The following ZFHX3 variants were observed in gnomAD, a reference collection of about 807,000 sequenced individuals.
ZFHX3 encodes the protein zinc finger homeobox 3.
A neutral mutation model predicts 279.1 loss-of-function variants in ZFHX3; 42 were observed. The observed-to-expected ratio is 0.15, with a 90% CI of 0.12 to 0.19. The LOEUF is 0.19. ZFHX3 is among the 10% of genes least tolerant of loss of function. The probability of loss-of-function intolerance (pLI) is 1.00; values close to 1 mark genes in which losing one functional copy is unlikely to be tolerated. For missense variants in ZFHX3, 4,981 were observed against 4,754.0 expected (o/e 1.05, Z -1.40); for synonymous variants, 2,293 against 1,957.8 (o/e 1.17, Z -4.52).
chr16:73,373,213 C>T (rs1225232994), intron 3 of ZFHX3, among the ~76,000 whole-genome samples: 3 of 152,228 alleles, frequency 2.0e-5, no homozygotes, highest in Middle Eastern at 3.4e-3. Flanking sequence ...CTGCTTTTCA[C>T]CTTCCACTTC....
At chr16:73,539,224 T>A (rs1273520973) in intron 2 of ZFHX3, among the ~76,000 whole-genome samples, 1 of 151,874 alleles carries the variant, frequency 6.6e-6, no homozygotes, top group Admixed American at 6.6e-5. Flanking sequence ...TGTGGCCTGG[T>A]GGACACGTGC....
In ZFHX3 at chr16:72,786,412, A is replaced by ATTATT. The variant is rs752905315; in HGVS notation, c.*747_*751dup. The ATTATT allele has an allele frequency of 7.7e-3, 1,123 of 145,716 alleles. 10 individuals carry two copies. Among genetic ancestry groups the ATTATT allele is most frequent in the African/African-American group, 0.026 (1,055 of 39,918 alleles). The allele number at this position is 145,716 out of a possible 1,614,324, so 9.0% of individuals were successfully genotyped here. A position where few individuals can be genotyped will look rare whatever the true frequency, so the allele number is the denominator to read the frequency against. Reference sequence around the variant, plus strand: ...TCAACACTCTTTGTGTGTGTGGGTTATTATTTTTTTTTTTTTTTGAAAGTG... The same window carrying ATTATT: ...TCAACACTCTTTGTGTGTGTGGGTTATTATTTTATTTTTTTTTTTTTTTGAAAGTG... On this transcript the variant is annotated 3_prime_UTR_variant, in exon 10 of 10. Coordinates refer to ENST00000268489, the MANE Select transcript of ZFHX3 (RefSeq NM_006885.4).
rs778464341 is a variant in ZFHX3 at position 72,959,005 on chromosome 16, C to A, written c.1141G>T (p.Ala381Ser). The change falls in exon 2 of 10, where the codon GCG becomes TCG. Residue 381 changes from alanine (A) to serine (S), a missense_variant. Ala to Ser is a moderately conservative substitution (Grantham distance 99). This residue lies in a region of ZFHX3 where 1,068 missense variants were observed against 935.2 expected (regional missense o/e 1.14). Coordinates refer to ENST00000268489, the MANE Select transcript of ZFHX3 (RefSeq NM_006885.4). ...TGCTCGGGGCCAGCGGCGGAGCCCGCTGGGAGAGCTTCCTCCCCTTCCATT... is the reference window on the plus strand; with the variant it reads ...TGCTCGGGGCCAGCGGCGGAGCCCGATGGGAGAGCTTCCTCCCCTTCCATT... Reference protein sequence around the residue: ...IRMEGEEALPAGSAAGPEQPQ... With the variant: ...IRMEGEEALPSGSAAGPEQPQ... 1.2e-6 allele frequency: 2 copies of A among 1,610,718 alleles called. No homozygotes were observed. Among genetic ancestry groups the A allele is most frequent in the Admixed American group, 3.4e-5 (2 of 59,486 alleles).
At chr16:73,738,548 C>CTAA (rs1270670043) in intron 1 of ZFHX3, among the ~76,000 whole-genome samples, 1 of 152,210 alleles carries the variant, frequency 6.6e-6, no homozygotes, top group Non-Finnish European at 1.5e-5. Context: ...TTTGCTAGTT[C>CTAA]TAAGGCTGAA....
At chr16:72,998,352 G>T (rs1163140141) in intron 1 of ZFHX3, among the ~76,000 whole-genome samples, 10 of 152,132 alleles carry the variant, frequency 6.6e-5, no homozygotes, top group Non-Finnish European at 1.5e-4. Flanking sequence ...AGTGAGCCAA[G>T]ATCATGCCAC....
intron 4 of ZFHX3, chr16:73,294,021 G>T (rs1341863742): frequency 8.7e-6 from 1 of 115,058 alleles, no homozygotes; most frequent in Admixed American, 9.2e-5. Context: ...AAACCACAAA[G>T]CTCAGTATTG....
At chr16:73,385,915 G>C (rs2016893414) in intron 3 of ZFHX3, among the ~76,000 whole-genome samples, 1 of 152,180 alleles carries the variant, frequency 6.6e-6, no homozygotes, top group Admixed American at 6.5e-5. Context: ...CTTGTGGTCA[G>C]GTGGCTGGGC....
chr16:73,787,590 C>G (rs974220377), intron 1 of ZFHX3, among the ~76,000 whole-genome samples: 3 of 151,946 alleles, frequency 2.0e-5, no homozygotes, highest in South Asian at 4.2e-4. Flanking sequence ...TTTGTTTAGT[C>G]CTAGGAATGA....
At chr16:73,881,367 C>G (rs2030143955) in intron 1 of ZFHX3, among the ~76,000 whole-genome samples, 1 of 150,590 alleles carries the variant, frequency 6.6e-6, no homozygotes. Context: ...ATTTCCAGGG[C>G]AGAATTCATG....
At chr16:73,523,596 G>T (rs1259246248) in intron 2 of ZFHX3, among the ~76,000 whole-genome samples, 2 of 149,546 alleles carry the variant, frequency 1.3e-5, no homozygotes, top group African/African-American at 2.5e-5. Flanking sequence ...AGTGCTGGGG[G>T]TAGGGGGCAG....
intron 5 of ZFHX3, among the ~76,000 whole-genome samples, chr16:73,204,235 A>G (rs2011712004): frequency 2.6e-5 from 4 of 151,458 alleles, no homozygotes; most frequent in Admixed American, 2.0e-4. Context: ...AGCGCATTAC[A>G]TTTACTGTGC....
intron 3 of ZFHX3, among the ~76,000 whole-genome samples, chr16:73,334,235 T>C (rs2015863998): frequency 6.6e-6 from 1 of 151,996 alleles, no homozygotes; most frequent in African/African-American, 2.4e-5. Context: ...GCCTCTCTGC[T>C]GAGAATAAGC....
chr16:73,427,771 TAA>T (rs767091672), intron 3 of ZFHX3, among the ~76,000 whole-genome samples: 1 of 139,808 alleles, frequency 7.2e-6, no homozygotes, highest in African/African-American at 2.6e-5. Flanking sequence ...CTGTCTCTAC[TAA>T]AAAAAAAAAA....
chr16:73,824,304 C>T (rs1597132403), intron 1 of ZFHX3, among the ~76,000 whole-genome samples: 1 of 150,898 alleles, frequency 6.6e-6, no homozygotes, highest in Non-Finnish European at 1.5e-5. Context: ...CTGGTCTGAA[C>T]TTTTTATAAA....
intron 3 of ZFHX3, among the ~76,000 whole-genome samples, chr16:73,426,232 G>A (rs1457726209): frequency 6.6e-6 from 1 of 152,186 alleles, no homozygotes; most frequent in African/African-American, 2.4e-5. Flanking sequence ...TGCTCTTTCT[G>A]CATTATATAT....
intron 6 of ZFHX3, among the ~76,000 whole-genome samples, chr16:73,136,057 C>G (rs2144826573): frequency 6.6e-6 from 1 of 152,208 alleles, no homozygotes; most frequent in Admixed American, 6.5e-5. Flanking sequence ...GGGGTTTAAC[C>G]ATGTTGGTCA....
chr16:73,084,093 C>T (rs529597526), intron 8 of ZFHX3, among the ~76,000 whole-genome samples: 48 of 152,290 alleles, frequency 3.2e-4, no homozygotes, highest in Admixed American at 5.9e-4. Flanking sequence ...AGACACATTA[C>T]CTCCACCAAC....
At chr16:72,964,337 A>G (rs8055406) in intron 1 of ZFHX3, among the ~76,000 whole-genome samples, 30,643 of 152,160 alleles carry the variant, frequency 0.2, 3,290 homozygotes, top group East Asian at 0.36. Context: ...ACAGAGCTCC[A>G]TATGTTGTTA....
chr16:73,417,281 G>A (rs1003608180), intron 3 of ZFHX3, among the ~76,000 whole-genome samples: 5 of 151,966 alleles, frequency 3.3e-5, no homozygotes, highest in African/African-American at 4.8e-5. Context: ...ATTTAGGATT[G>A]TGGATAGGAT....
Sources: allele counts gnomAD v4.1 joint callset (sites outside exome capture counted in the v4.1 genomes callset), GRCh38; gene constraint gnomAD v4.1.1; regional missense constraint gnomAD v4.1.1; transcripts MANE v1.5; gene names NCBI Gene and HGNC (gene_info 2026-07-23, HGNC 2026-07-21).